Variants in RALGAPB observed in about 807,000 individuals in gnomAD.
RALGAPB encodes ral GTPase-activating protein subunit beta.
Under a neutral mutation model 161.1 loss-of-function variants are expected in RALGAPB, and 25 were observed. The ratio of observed to expected loss-of-function variants is 0.16; its 90% CI spans 0.11 to 0.22. The LOEUF is 0.22. RALGAPB is among the 10% of genes least tolerant of loss of function. RALGAPB has a pLI of 1.00. For missense variants in RALGAPB, 1,391 were observed against 1,815.2 expected (o/e 0.77, Z 4.25); for synonymous variants, 629 against 626.1 (o/e 1.00, Z -0.07).
chr20:38,574,272 G>A lies in RALGAPB; in HGVS notation c.4265G>A (p.Gly1422Glu). 6.2e-7 allele frequency: 1 copy of A among 1,611,652 alleles called. No homozygotes were observed. The highest frequency in any genetic ancestry group is 1.1e-5 in the South Asian group (1 of 90,556). ...AATATGGTCATCCCTCTTGTGGATGGGATGATTGTCAGCAGGCGAGCTCTT... is the reference window on the plus strand; with the variant it reads ...AATATGGTCATCCCTCTTGTGGATGAGATGATTGTCAGCAGGCGAGCTCTT... Reference protein sequence around the residue: ...KFNMVIPLVDGMIVSRRALGF... With the variant: ...KFNMVIPLVDEMIVSRRALGF... Residue 1422 changes from glycine (G) to glutamate (E), a missense_variant, in exon 29 of 30, where the codon GGG becomes GAG. By Grantham distance (98) the Gly-to-Glu change is moderately conservative. This residue lies in a region of RALGAPB where 436 missense variants were observed against 527.0 expected (regional missense o/e 0.83). Transcript: ENST00000262879.
At chr20:38,568,412 A>G (rs1245110683) in intron 26 of RALGAPB, 1 of 152,232 alleles carries the variant, frequency 6.6e-6, no homozygotes, top group Non-Finnish European at 1.5e-5. Context: ...CTAAAAACCT[A>G]CAGCTAACAT....
At chr20:38,557,063 C>T (rs1418774313) in intron 22 of RALGAPB, among the ~76,000 whole-genome samples, 1 of 152,208 alleles carries the variant, frequency 6.6e-6, no homozygotes, top group Non-Finnish European at 1.5e-5. Context: ...GAAAGACAGT[C>T]ATTCTTGCTT....
chr20:38,556,833 A>G (rs534654382), intron 22 of RALGAPB, among the ~76,000 whole-genome samples: 2 of 152,326 alleles, frequency 1.3e-5, no homozygotes, highest in South Asian at 4.1e-4. Context: ...GTAAAAACTG[A>G]AAACTGGAAA....
At chr20:38,563,438 C>G (rs1228316134) in intron 24 of RALGAPB, among the ~76,000 whole-genome samples, 1 of 152,186 alleles carries the variant, frequency 6.6e-6, no homozygotes, top group Non-Finnish European at 1.5e-5. Context: ...ATACCAAAAC[C>G]TTTGTAGTAA....
At chr20:38,508,156 ATAAG>A (rs1392975603) in intron 5 of RALGAPB, among the ~76,000 whole-genome samples, 5 of 151,670 alleles carry the variant, frequency 3.3e-5, no homozygotes, top group African/African-American at 4.8e-5. Context: ...GCTATAATTT[ATAAG>A]TAATATGCAA....
intron 22 of RALGAPB, among the ~76,000 whole-genome samples, chr20:38,557,395 C>T (rs1042499082): frequency 1.3e-5 from 2 of 152,094 alleles, no homozygotes; most frequent in African/African-American, 4.8e-5. Context: ...CAATAGGGTT[C>T]ACTCTGTGCT....
At chr20:38,508,082 CTT>C (rs11468184) in intron 5 of RALGAPB, among the ~76,000 whole-genome samples, 5,844 of 151,056 alleles carry the variant, frequency 0.039, 177 homozygotes, top group African/African-American at 0.09. Flanking sequence ...TGAGATGAAT[CTT>C]TTAAAAAATT....
chr20:38,578,695 A>G lies in RALGAPB; in HGVS notation c.*3728A>G. ...AAGTAAAGGCAAAGTGTAAATATGA[A>G]GGCGTGCCCGTGCCCCTTGCCTCCT... is the stretch of plus-strand genomic sequence containing the variant. On this transcript the variant is annotated 3_prime_UTR_variant, in exon 30 of 30. Transcript: ENST00000262879. 6.5e-6 allele frequency: 1 copy of G among 152,684 alleles called. No homozygotes were observed. The highest frequency in any genetic ancestry group is 1.9e-4 in the East Asian group (1 of 5,202). The allele number at this position is 152,684 out of a possible 1,614,324, so 9.5% of individuals were successfully genotyped here. A position where few individuals can be genotyped will look rare whatever the true frequency, so the allele number is the denominator to read the frequency against.
intron 6 of RALGAPB, among the ~76,000 whole-genome samples, chr20:38,513,230 G>A (rs1180425745): frequency 2.0e-5 from 3 of 148,704 alleles, no homozygotes; most frequent in Non-Finnish European, 4.5e-5. Flanking sequence ...TGGGCTGGGC[G>A]TGGTGGCTCA....
In RALGAPB at chr20:38,566,998, A is replaced by G. The variant is rs1420393036; in HGVS notation, c.3818-98A>G. The G allele has an allele frequency of 1.5e-5, 22 of 1,472,138 alleles. No homozygotes were observed. In the East Asian group the frequency reaches 5.2e-4, roughly 35 times the overall value. 91.2% of individuals were successfully genotyped at this position (1,472,138 alleles called of 1,614,324 possible). A position where few individuals can be genotyped will look rare whatever the true frequency, so the allele number is the denominator to read the frequency against. ...TGCTCTCGAAGCAATGCTTTGTTTAAGTGATTTAGGTTAGACTGGTGAGCA... is the reference window on the plus strand; with the variant it reads ...TGCTCTCGAAGCAATGCTTTGTTTAGGTGATTTAGGTTAGACTGGTGAGCA... On this transcript the variant is annotated intron_variant, in intron 25 of 29. Transcript: ENST00000262879.
intron 9 of RALGAPB, 118 bp from the exon 10 acceptor site, chr20:38,521,379 C>A: frequency 6.8e-7 from 1 of 1,470,160 alleles, no homozygotes; most frequent in African/African-American, 1.4e-5. Flanking sequence ...TAAACAAAAG[C>A]ACTTATTGGA....
chr20:38,565,308 G>GT (rs1454322458), intron 24 of RALGAPB, 51 bp from the exon 25 acceptor site: 39 of 1,594,538 alleles, frequency 2.4e-5, no homozygotes, highest in Non-Finnish European at 3.2e-5. Context: ...GATGATACTG[G>GT]TTTTTTCCTA....
At chr20:38,488,682 T>A in intron 2 of RALGAPB, 64 bp downstream of exon 2, 1 of 1,473,074 alleles carries the variant, frequency 6.8e-7, no homozygotes, top group South Asian at 1.3e-5. Context: ...AGAATTTGTT[T>A]AATGTTAACT....
intron 6 of RALGAPB, among the ~76,000 whole-genome samples, chr20:38,511,141 A>T (rs2085935498): frequency 6.6e-6 from 1 of 152,118 alleles, no homozygotes; most frequent in African/African-American, 2.4e-5. Flanking sequence ...AGTAATATAA[A>T]TCACTGTTAC....
chr20:38,477,068 T>C (rs2122806467), intron 1 of RALGAPB, among the ~76,000 whole-genome samples: 1 of 152,274 alleles, frequency 6.6e-6, no homozygotes, highest in East Asian at 1.9e-4. Flanking sequence ...AATAATAGTG[T>C]AGTATCTGAA....
intron 6 of RALGAPB, among the ~76,000 whole-genome samples, chr20:38,510,131 T>TACACAC (rs34759480): frequency 2.0e-3 from 293 of 146,276 alleles, no homozygotes; most frequent in Non-Finnish European, 3.5e-3. Context: ...CACACGCACA[T>TACACAC]ACACACACAC....
chr20:38,491,771 A>G (rs1191637576), intron 2 of RALGAPB, among the ~76,000 whole-genome samples: 2 of 152,202 alleles, frequency 1.3e-5, no homozygotes, highest in Non-Finnish European at 2.9e-5. Flanking sequence ...GATATTTATG[A>G]AAGTGCTTTG....
At chr20:38,550,072 C>G (rs528110251) in intron 20 of RALGAPB, among the ~76,000 whole-genome samples, 1 of 152,226 alleles carries the variant, frequency 6.6e-6, no homozygotes, top group East Asian at 1.9e-4. Context: ...CATATTCTCA[C>G]TCATAGGTGG....
intron 1 of RALGAPB, among the ~76,000 whole-genome samples, chr20:38,482,388 A>G (rs945237426): frequency 1.3e-5 from 2 of 149,986 alleles, no homozygotes; most frequent in Non-Finnish European, 3.0e-5. Context: ...GCATTTCTCT[A>G]CCATCCTTCT....
Sources: allele counts gnomAD v4.1 joint callset (sites outside exome capture counted in the v4.1 genomes callset), GRCh38; gene constraint gnomAD v4.1.1; regional missense constraint gnomAD v4.1.1; transcripts MANE v1.5; gene names NCBI Gene and HGNC (gene_info 2026-07-23, HGNC 2026-07-21).